The following SF3A1 variants were observed in gnomAD, a reference collection of about 807,000 sequenced individuals.
SF3A1 encodes the protein splicing factor 3a subunit 1.
In SF3A1, 13 loss-of-function variants were observed where a neutral mutation model predicts 89.9. That is an observed-to-expected ratio of 0.14 (90% confidence interval 0.09 to 0.23). The LOEUF is 0.23. Among genes scored for constraint, SF3A1 ranks in the 10% least tolerant of loss-of-function variants. The probability of loss-of-function intolerance (pLI) is 1.00; values close to 1 mark genes in which losing one functional copy is unlikely to be tolerated. For missense variants in SF3A1, 604 were observed against 1,022.1 expected (o/e 0.59, Z 5.58); for synonymous variants, 405 against 374.4 (o/e 1.08, Z -0.94).
rs1179293340 is a variant in SF3A1, at chr22:30,332,991, C to T, written c.*1603G>A. On this transcript the variant is annotated 3_prime_UTR_variant, in exon 16 of 16. Transcript: ENST00000215793. ...ACCCTCTTCCTTCTTGGAATGAGAC[C>T]CAGGTAGTGCTCAGGGGATTTCTGG... The T allele has an allele frequency of 6.6e-6, 1 of 152,166 alleles. No homozygotes were observed. The highest frequency in any genetic ancestry group is 1.9e-4 in the East Asian group (1 of 5,192). The allele number at this position is 152,166 out of a possible 1,614,324, so 9.4% of individuals were successfully genotyped here. A position where few individuals can be genotyped will look rare whatever the true frequency, so the allele number is the denominator to read the frequency against.
intron 6 of SF3A1, 144 bp downstream of exon 6, chr22:30,342,056 C>T (rs1403841034): frequency 3.3e-6 from 4 of 1,199,220 alleles, no homozygotes; most frequent in African/African-American, 1.5e-5. Flanking sequence ...AGTGGTAGAA[C>T]TGAAGTCTTT....
At chr22:30,347,047 C>A (rs1269093778) in intron 2 of SF3A1, among the ~76,000 whole-genome samples, 1 of 152,090 alleles carries the variant, frequency 6.6e-6, no homozygotes, top group East Asian at 1.9e-4. Flanking sequence ...TAGACTTTGT[C>A]CTCTGAGTAA....
intron 2 of SF3A1, 122 bp downstream of exon 2, chr22:30,352,829 G>A (rs2145823267): frequency 8.3e-7 from 1 of 1,209,272 alleles, no homozygotes; most frequent in Non-Finnish European, 1.2e-6. Flanking sequence ...GCCATGTTGT[G>A]GTTTTTTATG....
chr22:30,341,897 G>A lies in SF3A1; in HGVS notation c.878-12C>T. 1 of 1,608,910 alleles carries A rather than the reference G, an allele frequency of 6.2e-7. No homozygotes were observed. The highest frequency in any genetic ancestry group is 1.1e-5 in the South Asian group (1 of 90,988). ...GGGAGGGAAGTTCCCTAGAGGGTGAGCCAGAGGCAAAGGTATTCCTTATCA... is the reference window on the plus strand; with the variant it reads ...GGGAGGGAAGTTCCCTAGAGGGTGAACCAGAGGCAAAGGTATTCCTTATCA... On this transcript the variant is annotated splice_polypyrimidine_tract_variant and intron_variant, in intron 6 of 15. Transcript: ENST00000215793.
chr22:30,342,329 C>T lies in SF3A1; in HGVS notation c.748G>A (p.Ala250Thr), dbSNP rs1160166604. The T allele has an allele frequency of 1.2e-6, 2 of 1,611,460 alleles. No homozygotes were observed. The highest frequency in any genetic ancestry group is 2.2e-5 in the South Asian group (2 of 90,602). The stretch of plus-strand genomic sequence containing the variant: ...TTCCTCTCACGTTCCTGGAATTTGG[C>T]CCATTCCACTCGGTAACACACCTGC... Reference protein sequence around the residue: ...LDQVCYRVEWAKFQERERKKE... With the variant: ...LDQVCYRVEWTKFQERERKKE... The change falls in exon 6 of 16, where the codon GCC becomes ACC. Residue 250 changes from alanine to threonine, a missense_variant. Ala to Thr is a moderately conservative substitution (Grantham distance 58). Coordinates refer to ENST00000215793, the MANE Select transcript of SF3A1 (RefSeq NM_005877.6).
intron 4 of SF3A1, among the ~76,000 whole-genome samples, chr22:30,344,432 G>C (rs1021127138): frequency 6.6e-6 from 1 of 152,198 alleles, no homozygotes; most frequent in African/African-American, 2.4e-5. Context: ...CAAAGTTTTA[G>C]GGTCAAATGT....
At chr22:30,347,738 C>T (rs907470785) in intron 2 of SF3A1, among the ~76,000 whole-genome samples, 8 of 152,248 alleles carry the variant, frequency 5.3e-5, no homozygotes, top group African/African-American at 1.9e-4. Context: ...CTCACTCTGA[C>T]CCACAGCAAG....
At chr22:30,341,911 T>A in intron 6 of SF3A1, 26 bp from the exon 7 acceptor site, 2 of 1,600,520 alleles carry the variant, frequency 1.2e-6, no homozygotes, top group Non-Finnish European at 1.7e-6. Context: ...GAGGCAAAGG[T>A]ATTCCTTATC....
intron 1 of SF3A1, among the ~76,000 whole-genome samples, chr22:30,356,025 T>G (rs374030423): frequency 6.6e-6 from 1 of 152,080 alleles, no homozygotes. Context: ...CAATGTTCAT[T>G]AGATTTGTAC....
intron 12 of SF3A1, 55 bp downstream of exon 12, chr22:30,337,635 C>G: frequency 1.2e-6 from 1 of 856,288 alleles, no homozygotes; most frequent in Non-Finnish European, 1.9e-6. Context: ...GCTGACAGTA[C>G]TTGGCCCGTG....
intron 2 of SF3A1, among the ~76,000 whole-genome samples, chr22:30,347,967 G>A (rs1229050177): frequency 6.6e-6 from 1 of 152,176 alleles, no homozygotes; most frequent in African/African-American, 2.4e-5. Flanking sequence ...TCAGCCTCCT[G>A]AGTAGCTGGG....
At position 30,340,386 on chromosome 22, in the gene SF3A1, A is replaced by T. The variant is rs1931211661; in HGVS notation, c.1190-5T>A. ...CTGGAGGCAAGGGCTTGGAGGCTAA[A>T]AGGAAACAGATGTTTCAGTAAGAAC... is the stretch of plus-strand genomic sequence containing the variant. On this transcript the variant is annotated splice_polypyrimidine_tract_variant and splice_region_variant and intron_variant, in intron 8 of 15. Transcript: ENST00000215793. 6.2e-7 allele frequency: 1 copy of T among 1,611,078 alleles called. No homozygotes were observed.
At chr22:30,342,175 C>G (rs748242991) in intron 6 of SF3A1, 25 bp downstream of exon 6, 1 of 1,613,934 alleles carries the variant, frequency 6.2e-7, no homozygotes, top group East Asian at 2.2e-5. Context: ...GGCTCCCCAT[C>G]TGGAGTCACT....
At position 30,347,736 on chromosome 22, in the gene SF3A1, G is replaced by T. The variant is rs75860571; in HGVS notation, c.186-1217C>A. 2.8e-3 allele frequency among the ~76,000 whole-genome samples: 427 copies of T among 152,292 alleles called. 1 individual carries two copies. Among genetic ancestry groups the T allele is most frequent in the Non-Finnish European group, 4.7e-3 (319 of 68,018 alleles). On this transcript the variant is annotated intron_variant, in intron 2 of 15. Coordinates refer to ENST00000215793, the MANE Select transcript of SF3A1 (RefSeq NM_005877.6). ...CTCAGGTTCACTGCTGACTCACTCT[G>T]ACCCACAGCAAGTTACCAAACTACT...
chr22:30,354,842 T>C (rs1448957070), intron 1 of SF3A1, among the ~76,000 whole-genome samples: 1 of 152,196 alleles, frequency 6.6e-6, no homozygotes, highest in Non-Finnish European at 1.5e-5. Context: ...GAAGATTGCT[T>C]GAGCCCAAGA....
At position 30,334,556 on chromosome 22, in the gene SF3A1, G is replaced by A. The variant is rs762810591; in HGVS notation, c.*38C>T. ...GGGGCAGGGGGTGGGAGACAGGAGA[G>A]GCAAAATGGCAGGGACTTGACAGCA... On this transcript the variant is annotated 3_prime_UTR_variant, in exon 16 of 16. Transcript: ENST00000215793. 9 of 1,399,970 alleles carry A rather than the reference G, an allele frequency of 6.4e-6. No individual in the cohort carries two copies. Among genetic ancestry groups the A allele is most frequent in the Non-Finnish European group, 8.8e-6 (9 of 1,027,618 alleles). 86.7% of individuals were successfully genotyped at this position (1,399,970 alleles called of 1,614,324 possible).
chr22:30,335,456 A>C lies in SF3A1; in HGVS notation c.2280+11T>G. The C allele has an allele frequency of 6.2e-7, 1 of 1,613,180 alleles. No individual in the cohort carries two copies. The highest frequency in any genetic ancestry group is 8.5e-7 in the Non-Finnish European group (1 of 1,179,198). On this transcript the variant is annotated intron_variant, in intron 15 of 15. Transcript: ENST00000215793. ...GACCCAAGGGACAGGTCTGTGGACA[A>C]ACTGACTCACCTCATACTGTAGCTT...
At chr22:30,356,452 AT>A (rs1397084302) in intron 1 of SF3A1, among the ~76,000 whole-genome samples, 1 of 152,264 alleles carries the variant, frequency 6.6e-6, no homozygotes, top group Non-Finnish European at 1.5e-5. Flanking sequence ...TTTTGTTCAA[AT>A]GTAGATTCCT....
intron 9 of SF3A1, 65 bp downstream of exon 9, chr22:30,340,131 T>G: frequency 7.4e-7 from 1 of 1,354,914 alleles, no homozygotes; most frequent in Non-Finnish European, 9.7e-7. Context: ...CTTTCTATGT[T>G]TGCTTAGAAG....
Sources: gnomAD v4.1 joint callset for allele counts (sites outside exome capture counted in the v4.1 genomes callset) on GRCh38, gnomAD v4.1.1 for gene constraint, MANE v1.5 for transcripts, NCBI Gene and HGNC (gene_info 2026-07-23, HGNC 2026-07-21) for gene names.